PLG: variants seen among roughly 807,000 people sequenced by gnomAD.
The protein encoded by PLG is plasminogen.
In PLG, 41 loss-of-function variants were observed where a neutral mutation model predicts 104.4. The observed-to-expected ratio is 0.39, with a 90% CI of 0.31 to 0.51. The LOEUF is 0.51. PLG is among the 20% of genes least tolerant of loss of function. The probability of loss-of-function intolerance (pLI) is 0.76; values close to 1 mark genes in which losing one functional copy is unlikely to be tolerated. For synonymous variants in PLG, 337 were observed against 357.1 expected, an observed-to-expected ratio of 0.94 and a Z score of 0.63; for missense variants, 891 against 1,003.6, an observed-to-expected ratio of 0.89 and a Z score of 1.52.
In PLG at chr6:160,740,392, T is replaced by TC. The variant is rs1351679057; in HGVS notation, c.2019-919_2019-918insC. Reference sequence around the variant, plus strand: ...GGGGTGTTCTGATGGCTTGAACAAGTAATTTGGAAATTTTGGGTTTTGGAG... The same window carrying TC: ...GGGGTGTTCTGATGGCTTGAACAAGTCAATTTGGAAATTTTGGGTTTTGGAG... On this transcript the variant is annotated intron_variant, in intron 16 of 18. Transcript: ENST00000308192. The surrounding 1 kb of genome is among the most constrained non-coding windows in gnomAD (Gnocchi z 5.2). Among the ~76,000 whole-genome samples, 1 of 152,224 alleles carries TC rather than the reference T, an allele frequency of 6.6e-6. No homozygotes were observed. Among genetic ancestry groups the TC allele is most frequent in the Admixed American group, 6.5e-5 (1 of 15,284 alleles).
At chr6:160,707,275 G>C (rs1431118870) in intron 2 of PLG, among the ~76,000 whole-genome samples, 1 of 152,152 alleles carries the variant, frequency 6.6e-6, no homozygotes, top group East Asian at 1.9e-4. Context: ...ATGGAGATGG[G>C]AGGGGTCAGG....
In PLG at chr6:160,738,607, G is replaced by A; in HGVS notation, c.1872G>A (p.Leu624=). Residue 624 remains leucine, a synonymous_variant, in exon 15 of 19, where the codon TTG becomes TTA. Coordinates refer to ENST00000308192, the MANE Select transcript of PLG (RefSeq NM_000301.5). This position sits in a 1 kb window ranked among gnomAD's most constrained non-coding sequence, Gnocchi z 6.8. ...PEWVLTAAHC[L]EKSPRPSSYK... is the part of the protein sequence containing the mutation. ...GGGTGTTGACTGCTGCCCACTGCTTGGAGAAGTATGTTTAGGGGACAATTG... is the reference window on the plus strand; with the variant it reads ...GGGTGTTGACTGCTGCCCACTGCTTAGAGAAGTATGTTTAGGGGACAATTG... 6.3e-7 allele frequency: 1 copy of A among 1,599,162 alleles called. No homozygotes were observed. Among genetic ancestry groups the A allele is most frequent in the Non-Finnish European group, 8.6e-7 (1 of 1,166,338 alleles).
At chr6:160,703,039 G>T (rs890714388) in intron 1 of PLG, among the ~76,000 whole-genome samples, 7 of 152,070 alleles carry the variant, frequency 4.6e-5, no homozygotes, top group African/African-American at 1.7e-4. Context: ...AGCTTATTTA[G>T]CTCGTGGTAT....
rs752413350 is a variant in PLG at position 160,736,081 on chromosome 6, T to C, written c.1682-806T>C. On this transcript the variant is annotated intron_variant, in intron 13 of 18. Coordinates refer to ENST00000308192, the MANE Select transcript of PLG (RefSeq NM_000301.5). The surrounding 1 kb of genome is among the most constrained non-coding windows in gnomAD (Gnocchi z 5.2). The stretch of plus-strand genomic sequence containing the variant: ...TTTAAAATATTAACATTTACATTTG[T>C]GAAGACCTTGAAGGGCTGGAGACAA... Among the ~76,000 whole-genome samples the C allele has an allele frequency of 5.9e-5, 9 of 152,188 alleles. No individual in the cohort carries two copies. The highest frequency in any genetic ancestry group is 1.2e-4 in the Non-Finnish European group (8 of 68,032).
intron 17 of PLG, among the ~76,000 whole-genome samples, chr6:160,751,136 A>G (rs1489889212): frequency 6.6e-6 from 1 of 152,248 alleles, no homozygotes; most frequent in Non-Finnish European, 1.5e-5. Context: ...ACACCCTTTT[A>G]GAAAATAATT....
chr6:160,709,647 A>G (rs1432394302), intron 3 of PLG, among the ~76,000 whole-genome samples: 2 of 152,134 alleles, frequency 1.3e-5, no homozygotes, highest in East Asian at 3.9e-4. Context: ...TGTCAGCTCA[A>G]TCATCATGTC....
intron 10 of PLG, among the ~76,000 whole-genome samples, chr6:160,727,468 T>C (rs1480510811): frequency 2.0e-5 from 3 of 149,628 alleles, no homozygotes; most frequent in African/African-American, 7.3e-5. Flanking sequence ...AAAAAAACCC[T>C]AGTTGTAAAA....
intron 1 of PLG, among the ~76,000 whole-genome samples, chr6:160,704,899 C>T (rs958574534): frequency 9.2e-5 from 14 of 152,192 alleles, no homozygotes; most frequent in Non-Finnish European, 1.3e-4. Flanking sequence ...TGTTCATTTG[C>T]TTTCCTACTG....
At position 160,739,267 on chromosome 6, in the gene PLG, G is replaced by A. The variant is rs1778144611; in HGVS notation, c.2018+59G>A. The A allele has an allele frequency of 6.2e-7, 1 of 1,610,806 alleles. No individual in the cohort carries two copies. The highest frequency in any genetic ancestry group is 8.5e-7 in the Non-Finnish European group (1 of 1,177,262). On this transcript the variant is annotated intron_variant, in intron 16 of 18. Coordinates refer to ENST00000308192, the MANE Select transcript of PLG (RefSeq NM_000301.5). This position sits in a 1 kb window ranked among gnomAD's most constrained non-coding sequence, Gnocchi z 4.4. ...GGTGAAGATATTTGCTTTATGTCTG[G>A]GTTTTATGGGCCATGGCCACTGCAT...
chr6:160,714,752 GT>G (rs758591791), intron 5 of PLG, 41 bp from the exon 6 acceptor site: 3 of 1,609,678 alleles, frequency 1.9e-6, no homozygotes, highest in Middle Eastern at 1.7e-4. Flanking sequence ...ATCCATTTCA[GT>G]TTTCTTCTTC....
chr6:160,707,651 TC>T (rs1391744084), intron 2 of PLG, 48 bp from the exon 3 acceptor site: 1 of 1,501,694 alleles, frequency 6.7e-7, no homozygotes, highest in Non-Finnish European at 9.3e-7. Flanking sequence ...ACATTTGTTT[TC>T]TTTAAATAAA....
Position 160,702,252 on chromosome 6 carries a change from A to G in PLG, c.-53A>G, listed in dbSNP as rs2115145295. ...GATGCGTTTACTCTCATGTAAGTCA[A>G]CAACATCCTGGGATTGGGACCCACT... On this transcript the variant is annotated 5_prime_UTR_variant, in exon 1 of 19. Coordinates refer to ENST00000308192, the MANE Select transcript of PLG (RefSeq NM_000301.5). The G allele has an allele frequency of 5.6e-6, 9 of 1,604,838 alleles. No individual in the cohort carries two copies. The South Asian group carries it at 8.9e-5, about 16-fold the overall frequency.
At chr6:160,715,373 A>G (rs1471321244) in intron 6 of PLG, among the ~76,000 whole-genome samples, 1 of 152,150 alleles carries the variant, frequency 6.6e-6, no homozygotes, top group African/African-American at 2.4e-5. Context: ...CCTTTGACCT[A>G]TGAGCAGACG....
In PLG at chr6:160,738,628, A is replaced by C; in HGVS notation, c.1877+16A>C. The C allele has an allele frequency of 4.0e-6, 6 of 1,500,474 alleles. No homozygotes were observed. Among genetic ancestry groups the C allele is most frequent in the Non-Finnish European group, 5.6e-6 (6 of 1,076,190 alleles). 92.9% of individuals were successfully genotyped at this position (1,500,474 alleles called of 1,614,324 possible). ...GCTTGGAGAAGTATGTTTAGGGGAC[A>C]ATTGACATGAAGTCTTGTCTTAAAT... On this transcript the variant is annotated intron_variant, in intron 15 of 18. Transcript: ENST00000308192. This position sits in a 1 kb window ranked among gnomAD's most constrained non-coding sequence, Gnocchi z 6.8.
At chr6:160,730,583 AT>A (rs1777984045) in intron 10 of PLG, among the ~76,000 whole-genome samples, 1 of 152,156 alleles carries the variant, frequency 6.6e-6, no homozygotes, top group South Asian at 2.1e-4. Flanking sequence ...CTTGGATGTC[AT>A]TTTCTCCTTG....
At position 160,736,467 on chromosome 6, in the gene PLG, T is replaced by C. The variant is rs1178776123; in HGVS notation, c.1682-420T>C. Among the ~76,000 whole-genome samples the C allele has an allele frequency of 6.6e-6, 1 of 152,190 alleles. No homozygotes were observed. The highest frequency in any genetic ancestry group is 1.5e-5 in the Non-Finnish European group (1 of 68,034). ...TGCCTTTCAGCAGTGATGACAATTA[T>C]GGTTTTCAGTAAACTTTACATGGTT... On this transcript the variant is annotated intron_variant, in intron 13 of 18. Transcript: ENST00000308192. This position sits in a 1 kb window ranked among gnomAD's most constrained non-coding sequence, Gnocchi z 5.2.
Position 160,739,740 on chromosome 6 carries a change from G to A in PLG, c.2018+532G>A, listed in dbSNP as rs865866328. On this transcript the variant is annotated intron_variant, in intron 16 of 18. Coordinates refer to ENST00000308192, the MANE Select transcript of PLG (RefSeq NM_000301.5). This position sits in a 1 kb window ranked among gnomAD's most constrained non-coding sequence, Gnocchi z 4.4. ...CGTGTCACTGCATTCCAGCCTGGGC[G>A]ACAGAGTAAGACACTGTACCAAAAA... 2.9e-5 allele frequency among the ~76,000 whole-genome samples: 4 copies of A among 138,058 alleles called. No individual in the cohort carries two copies. The highest frequency in any genetic ancestry group is 2.3e-4 in the South Asian group (1 of 4,420). The allele number at this position is 138,058 out of a possible 152,430, so 90.6% of individuals were successfully genotyped here. A position where few individuals can be genotyped will look rare whatever the true frequency, so the allele number is the denominator to read the frequency against.
intron 10 of PLG, among the ~76,000 whole-genome samples, chr6:160,730,196 C>T (rs759088031): frequency 1.3e-5 from 2 of 152,226 alleles, no homozygotes; most frequent in Admixed American, 1.3e-4. Flanking sequence ...ACTATTACTC[C>T]GTTGTTTTCG....
intron 5 of PLG, 115 bp from the exon 6 acceptor site, chr6:160,714,679 G>A (rs774373943): frequency 2.9e-5 from 28 of 952,104 alleles, no homozygotes; most frequent in African/African-American, 1.8e-4. Flanking sequence ...GAATTACATC[G>A]GAATGAGAGG....
Sources: gnomAD v4.1 joint callset for allele counts (sites outside exome capture counted in the v4.1 genomes callset) on GRCh38, gnomAD v4.1.1 for gene constraint, Gnocchi (gnomAD v3.1) non-coding constraint, MANE v1.5 for transcripts, NCBI Gene and HGNC (gene_info 2026-07-23, HGNC 2026-07-21) for gene names.